MDN1: variants seen among roughly 807,000 people sequenced by gnomAD.
MDN1 encodes midasin.
MDN1 carries 266 observed loss-of-function variants against 669.2 expected under a neutral mutation model. The observed-to-expected ratio is 0.40, with a 90% CI of 0.36 to 0.44. MDN1 has a LOEUF of 0.44. MDN1 is among the 20% of genes least tolerant of loss of function. The probability of loss-of-function intolerance (pLI) is 1.00; values close to 1 mark genes in which losing one functional copy is unlikely to be tolerated. For missense variants in MDN1, 5,940 were observed against 6,754.0 expected, an observed-to-expected ratio of 0.88 and a Z score of 4.22; for synonymous variants, 2,385 against 2,457.1, an observed-to-expected ratio of 0.97 and a Z score of 0.87.
chr6:89,769,734 C>T (rs1817987161), intron 15 of MDN1, among the ~76,000 whole-genome samples: 1 of 152,154 alleles, frequency 6.6e-6, no homozygotes. Flanking sequence ...ACTTTGAGTC[C>T]AACCTTTTCG....
chr6:89,785,395 T>G (rs1818902501), intron 8 of MDN1, among the ~76,000 whole-genome samples: 1 of 152,206 alleles, frequency 6.6e-6, no homozygotes, highest in South Asian at 2.1e-4. Flanking sequence ...ACAAGGTAAA[T>G]GTTTTTATTT....
intron 45 of MDN1, 120 bp from the exon 46 acceptor site, chr6:89,714,871 C>G (rs1380722640): frequency 1.3e-6 from 1 of 788,118 alleles, no homozygotes; most frequent in Non-Finnish European, 2.0e-6. Flanking sequence ...GAATTCACAC[C>G]AAGGATCTTT....
At chr6:89,731,426 G>A (rs1031973379) in intron 34 of MDN1, among the ~76,000 whole-genome samples, 1 of 152,056 alleles carries the variant, frequency 6.6e-6, no homozygotes. Context: ...GGAATACTAC[G>A]CAGCCATAAA....
chr6:89,702,189 T>C (rs1001512248), intron 53 of MDN1, 128 bp from the exon 54 acceptor site: 9 of 842,562 alleles, frequency 1.1e-5, no homozygotes, highest in Non-Finnish European at 1.4e-5. Context: ...TAGGCTATAA[T>C]TGCTAATCAA....
At chr6:89,691,062 T>C (rs1812347831) in intron 63 of MDN1, among the ~76,000 whole-genome samples, 1 of 152,224 alleles carries the variant, frequency 6.6e-6, no homozygotes, top group South Asian at 2.1e-4. Context: ...TGTGTCATTG[T>C]AATTTTGAAG....
chr6:89,781,169 C>A, intron 10 of MDN1: 2 of 557,966 alleles, frequency 3.6e-6, no homozygotes, highest in South Asian at 2.2e-5. Context: ...CTAATCGAGC[C>A]TTCCCAGTCA....
At chr6:89,765,309 A>G (rs1817757835) in intron 15 of MDN1, among the ~76,000 whole-genome samples, 1 of 152,142 alleles carries the variant, frequency 6.6e-6, no homozygotes, top group Non-Finnish European at 1.5e-5. Context: ...TTAAAGGATC[A>G]TTGTAACTCC....
In MDN1 at chr6:89,659,028, C is replaced by T. The variant is rs749341610; in HGVS notation, c.14714-111G>A. ...GTCTTATTACAATTCTCTAAACCAG[C>T]GAGTGGCAAATTGTGACCCACAGGC... On this transcript the variant is annotated intron_variant, in intron 88 of 101. Transcript: ENST00000369393. 23 of 1,112,806 alleles carry T rather than the reference C, an allele frequency of 2.1e-5. No individual in the cohort carries two copies. In the African/African-American group the frequency reaches 3.0e-4, roughly 14 times the overall value. The allele number at this position is 1,112,806 out of a possible 1,614,324, so 68.9% of individuals were successfully genotyped here.
intron 1 of MDN1, among the ~76,000 whole-genome samples, chr6:89,807,422 A>G (rs762635466): frequency 4.6e-4 from 70 of 152,260 alleles, no homozygotes; most frequent in Non-Finnish European, 6.0e-4. Flanking sequence ...AAGATGTTTC[A>G]TTGTGTTGTT....
chr6:89,796,336 A>C (rs1331409905), intron 2 of MDN1, among the ~76,000 whole-genome samples: 2 of 114,242 alleles, frequency 1.8e-5, no homozygotes, highest in African/African-American at 2.7e-5. Context: ...AAAAAAAAAA[A>C]AAAAAAAAAA....
chr6:89,781,435 T>C lies in MDN1; in HGVS notation c.1607A>G (p.Lys536Arg), dbSNP rs776918354. Residue 536 changes from lysine (K) to arginine (R), a missense_variant, in exon 10 of 102, where the codon AAA becomes AGA. By Grantham distance (26) the Lys-to-Arg change is conservative. This residue lies in a region of MDN1 where 1,203 missense variants were observed against 1,268.9 expected (regional missense o/e 0.95). Coordinates refer to ENST00000369393, the MANE Select transcript of MDN1 (RefSeq NM_014611.3). ...TTCTCTTCCCTCAAGGGTTGGTCTT[T>C]TGTTTTCTCTTCTGGCTTCTGAAAC... is the stretch of plus-strand genomic sequence containing the variant. Reference protein sequence around the residue: ...EEVSEARRENKRPTLEGRELS... With the variant: ...EEVSEARRENRRPTLEGRELS... 3.1e-5 allele frequency: 50 copies of C among 1,614,060 alleles called. No homozygotes were observed. The highest frequency in any genetic ancestry group is 3.8e-5 in the Non-Finnish European group (45 of 1,180,032).
At chr6:89,683,614 T>C (rs1344047212) in intron 72 of MDN1, among the ~76,000 whole-genome samples, 1 of 152,182 alleles carries the variant, frequency 6.6e-6, no homozygotes, top group Non-Finnish European at 1.5e-5. Flanking sequence ...CATAGCCTGC[T>C]TTGTCTCAAG....
chr6:89,771,498 A>G, intron 15 of MDN1, 63 bp downstream of exon 15: 1 of 1,370,712 alleles, frequency 7.3e-7, no homozygotes, highest in Non-Finnish European at 1.0e-6. Context: ...CACTAAGAAA[A>G]CAGTATTTCT....
intron 37 of MDN1, among the ~76,000 whole-genome samples, chr6:89,725,772 T>G (rs973433457): frequency 1.3e-5 from 2 of 150,036 alleles, no homozygotes; most frequent in Admixed American, 6.7e-5. Flanking sequence ...AGCCAAGGTC[T>G]TGTTATGTTG....
intron 14 of MDN1, among the ~76,000 whole-genome samples, chr6:89,772,308 G>T (rs909138892): frequency 3.3e-5 from 5 of 151,720 alleles, no homozygotes; most frequent in Admixed American, 1.3e-4. Context: ...AAGAAATGAG[G>T]TATAATGCAA....
rs1475961758 is a variant in MDN1, at chr6:89,700,710, C to G, written c.8574G>C (p.Lys2858Asn). The change falls in exon 56 of 102, where the codon AAG becomes AAC. Residue 2858 changes from lysine (K) to asparagine (N), a missense_variant. This residue lies in a region of MDN1 where 2,292 missense variants were observed against 2,638.3 expected (regional missense o/e 0.87). Coordinates refer to ENST00000369393, the MANE Select transcript of MDN1 (RefSeq NM_014611.3). ...LQVVASQWTL[K>N]KSLLQAWGLI... ...GTCCCCAGGCTTGCAGGAGACTTTT[C>G]TTTAATGTCCACTGAGAAGCAACCA... The G allele has an allele frequency of 1.2e-6, 2 of 1,614,182 alleles. No homozygotes were observed. The highest frequency in any genetic ancestry group is 1.7e-6 in the Non-Finnish European group (2 of 1,180,020).
intron 84 of MDN1, among the ~76,000 whole-genome samples, chr6:89,666,669 G>A (rs2128302571): frequency 6.6e-6 from 1 of 152,272 alleles, no homozygotes; most frequent in Non-Finnish European, 1.5e-5. Context: ...ATCTCAGCCA[G>A]GTGTGGTGGC....
intron 5 of MDN1, among the ~76,000 whole-genome samples, chr6:89,791,779 C>T (rs1447886924): frequency 6.6e-6 from 1 of 151,758 alleles, no homozygotes; most frequent in Admixed American, 6.6e-5. Context: ...CAAGACTAGG[C>T]TGGGCAACAT....
At chr6:89,792,093 C>T (rs926481407) in intron 5 of MDN1, among the ~76,000 whole-genome samples, 2 of 152,098 alleles carry the variant, frequency 1.3e-5, no homozygotes, top group Admixed American at 1.3e-4. Context: ...TGGTCTCGAT[C>T]TCCTGACCTC....
Sources: gnomAD v4.1 joint callset for allele counts (sites outside exome capture counted in the v4.1 genomes callset) on GRCh38, gnomAD v4.1.1 for gene constraint, gnomAD v4.1.1 regional missense constraint, MANE v1.5 for transcripts, NCBI Gene and HGNC (gene_info 2026-07-23, HGNC 2026-07-21) for gene names.